Variants in CDKL5 observed in about 807,000 individuals in gnomAD.
CDKL5 encodes cyclin-dependent kinase-like 5.
Under a neutral mutation model 61.7 loss-of-function variants are expected in CDKL5, and 8 were observed. The ratio of observed to expected loss-of-function variants is 0.13; its 90% confidence interval spans 0.08 to 0.23. CDKL5 has a LOEUF of 0.23. Among genes scored for constraint, CDKL5 ranks in the 10% least tolerant of loss-of-function variants. The pLI is 1.00. For missense variants in CDKL5, 440 were observed against 734.5 expected, an observed-to-expected ratio of 0.60 and a Z score of 4.63; for synonymous variants, 275 against 272.3, an observed-to-expected ratio of 1.01 and a Z score of -0.10.
At chrX:18,467,427 G>A (rs1483848250) in intron 1 of CDKL5, among the ~76,000 whole-genome samples, 1 of 111,633 alleles carries the variant, frequency 9.0e-6, no homozygotes, top group East Asian at 2.8e-4. Context: ...GCTGCCACTG[G>A]ACTGGATGGC....
chrX:18,439,057 G>GC (rs1931677670), intron 1 of CDKL5, among the ~76,000 whole-genome samples: 1 of 15,360 alleles, frequency 6.5e-5, no homozygotes, highest in African/African-American at 2.8e-4. Context: ...CCCCCCCCCC[G>GC]CCCCCCACCA....
chrX:18,436,914 A>G (rs1286121789), intron 1 of CDKL5, among the ~76,000 whole-genome samples: 1 of 107,378 alleles, frequency 9.3e-6, no homozygotes, highest in African/African-American at 3.4e-5. Flanking sequence ...AAAAAAAAAA[A>G]AAAAAAAAGA....
At chrX:18,619,157 C>CTTT (rs773761463) in intron 15 of CDKL5, among the ~76,000 whole-genome samples, 1 of 80,828 alleles carries the variant, frequency 1.2e-5, no homozygotes, top group African/African-American at 4.6e-5. Context: ...CCCGTGAAAG[C>CTTT]TTTTTTTTTT....
Position 18,631,933 on chromosome X carries a change from G to A in CDKL5, c.*3176G>A. 2.8e-6 allele frequency: 2 copies of A among 703,347 alleles called. No individual in the cohort carries two copies. The highest frequency in any genetic ancestry group is 1.7e-6 in the Non-Finnish European group (1 of 592,780). 58.0% of individuals were successfully genotyped at this position (703,347 alleles called of 1,213,427 possible). A position where few individuals can be genotyped will look rare whatever the true frequency, so the allele number is the denominator to read the frequency against. ...TACCCCCAAGGGTACATTTGGCAAT[G>A]TCTGGGGACATTTGGTTGTCATAGC... On this transcript the variant is annotated 3_prime_UTR_variant, in exon 18 of 18. Transcript: ENST00000623535.
intron 21 of CDKL5, chrX:18,653,386 C>T: frequency 8.3e-7 from 1 of 1,201,063 alleles, no homozygotes; most frequent in South Asian, 1.8e-5. Context: ...CCTGCTAGCG[C>T]TCCTGGCAGC....
intron 1 of CDKL5, among the ~76,000 whole-genome samples, chrX:18,490,003 T>G (rs892689127): frequency 1.8e-5 from 2 of 111,586 alleles, no homozygotes; most frequent in African/African-American, 6.5e-5. Context: ...GTCTTCATAT[T>G]TCGCTCAGAA....
chrX:18,598,689 G>T, intron 11 of CDKL5, 76 bp downstream of exon 11: 1 of 942,002 alleles, frequency 1.1e-6, no homozygotes, highest in Admixed American at 2.2e-5. Context: ...CTGCTTAAAT[G>T]ATGCAATTAG....
At position 18,530,143 on chromosome X, in the gene CDKL5, G is replaced by A. The variant is rs750889574; in HGVS notation, c.99+19289G>A. Among the ~76,000 whole-genome samples the A allele has an allele frequency of 4.3e-3, 459 of 106,608 alleles. 2 individuals are homozygous for A. The highest frequency in any genetic ancestry group is 0.043 in the Middle Eastern group (9 of 211). 92.6% of individuals were successfully genotyped at this position (106,608 alleles called of 115,157 possible). A position where few individuals can be genotyped will look rare whatever the true frequency, so the allele number is the denominator to read the frequency against. The stretch of plus-strand genomic sequence containing the variant: ...AAAGATCGAGACCATCCTGGCGAAC[G>A]TGGTGAAACCCCGTCTCTACTAAAA... On this transcript the variant is annotated intron_variant, in intron 3 of 17. Transcript: ENST00000623535.
intron 1 of CDKL5, among the ~76,000 whole-genome samples, chrX:18,467,283 C>T (rs976754168): frequency 9.0e-6 from 1 of 111,322 alleles, no homozygotes; most frequent in Non-Finnish European, 1.9e-5. Context: ...TGGGCTTTGC[C>T]GGAAGATTGA....
At chrX:18,607,371 A>G (rs1453392353) in intron 12 of CDKL5, among the ~76,000 whole-genome samples, 1 of 112,277 alleles carries the variant, frequency 8.9e-6, no homozygotes, top group Middle Eastern at 4.2e-3. Flanking sequence ...AGCTTCCTGC[A>G]GAGGAGACAT....
intron 3 of CDKL5, among the ~76,000 whole-genome samples, chrX:18,543,179 T>G (rs943547748): frequency 4.5e-5 from 5 of 110,791 alleles, no homozygotes; most frequent in Non-Finnish European, 9.5e-5. Flanking sequence ...TTTTCCATTT[T>G]CTTTTTGGCA....
chrX:18,610,690 A>G (rs1054566773), intron 14 of CDKL5, among the ~76,000 whole-genome samples: 2 of 113,026 alleles, frequency 1.8e-5, no homozygotes, highest in Non-Finnish European at 3.7e-5. Context: ...CTTAGGAGAC[A>G]TTGAATGACA....
At chrX:18,544,006 T>C (rs1374103511) in intron 3 of CDKL5, among the ~76,000 whole-genome samples, 1 of 111,821 alleles carries the variant, frequency 8.9e-6, no homozygotes, top group Non-Finnish European at 1.9e-5. Context: ...TGCCAGGAGC[T>C]GCCATCCAGT....
At chrX:18,537,017 A>G (rs1459559411) in intron 3 of CDKL5, among the ~76,000 whole-genome samples, 1 of 101,895 alleles carries the variant, frequency 9.8e-6, no homozygotes, top group Non-Finnish European at 2.0e-5. Flanking sequence ...TAACTGTTGT[A>G]CTTTTCATCA....
intron 15 of CDKL5, among the ~76,000 whole-genome samples, chrX:18,618,248 A>G (rs186877861): frequency 7.1e-5 from 8 of 112,162 alleles, no homozygotes; most frequent in East Asian, 5.6e-4. Flanking sequence ...GCTTGGTAAA[A>G]ACTTCTACCC....
intron 1 of CDKL5, among the ~76,000 whole-genome samples, chrX:18,434,525 C>G (rs1199673148): frequency 8.9e-6 from 1 of 111,914 alleles, no homozygotes; most frequent in East Asian, 2.8e-4. Flanking sequence ...GTAAGAACAA[C>G]TTTGGTTTCT....
intron 8 of CDKL5, 43 bp downstream of exon 8, chrX:18,584,396 T>C: frequency 1.2e-6 from 1 of 833,567 alleles, no homozygotes; most frequent in Non-Finnish European, 1.8e-6. Flanking sequence ...CCACATCTGC[T>C]GATTCTATTG....
chrX:18,584,474 G>A, intron 8 of CDKL5, 121 bp downstream of exon 8: 4 of 530,666 alleles, frequency 7.5e-6, no homozygotes, highest in Middle Eastern at 3.3e-4. Flanking sequence ...GTTACATATT[G>A]CAGTATAACA....
At chrX:18,619,357 A>G (rs1926818799) in intron 15 of CDKL5, among the ~76,000 whole-genome samples, 1 of 110,930 alleles carries the variant, frequency 9.0e-6, no homozygotes, top group South Asian at 3.8e-4. Context: ...AATAAGTAGG[A>G]TATTTCCAGT....
Sources: allele counts gnomAD v4.1 joint callset (sites outside exome capture counted in the v4.1 genomes callset), GRCh38; gene constraint gnomAD v4.1.1; transcripts MANE v1.5; gene names NCBI Gene and HGNC (gene_info 2026-07-23, HGNC 2026-07-21).